The following BARX2 variants were observed in gnomAD, a reference collection of about 807,000 sequenced individuals.
BARX2 encodes BARX homeobox 2.
Under a neutral mutation model 25.5 loss-of-function variants are expected in BARX2, and 11 were observed. The ratio of observed to expected loss-of-function variants is 0.43; its 90% confidence interval spans 0.27 to 0.71. The LOEUF (loss-of-function observed/expected upper bound fraction) is 0.71, where lower values mean the gene tolerates loss of function less well. Ranked by LOEUF, BARX2 falls within the 30% of genes least tolerant of loss-of-function variation. The pLI is 0.19. For synonymous variants in BARX2, 137 were observed against 149.5 expected, an observed-to-expected ratio of 0.92 and a Z score of 0.61; for missense variants, 360 against 359.9, an observed-to-expected ratio of 1.00 and a Z score of 0.00.
At chr11:129,440,356 A>G (rs1591447440) in intron 2 of BARX2, among the ~76,000 whole-genome samples, 2 of 152,150 alleles carry the variant, frequency 1.3e-5, no homozygotes, top group East Asian at 3.9e-4. Flanking sequence ...TGACTAATGC[A>G]CCTGATGGCC....
At chr11:129,428,141 G>T (rs1397902550) in intron 1 of BARX2, among the ~76,000 whole-genome samples, 1 of 152,196 alleles carries the variant, frequency 6.6e-6, no homozygotes. Context: ...TGTGTTCAAT[G>T]GGGTCATGTT....
Position 129,451,717 on chromosome 11 carries a change from T to C in BARX2, c.*315T>C. ...GGCTGGGTCTATGTTGCAAGCCCTA[T>C]ATCCTAGCATGCAGTGGAAAGTGCT... On this transcript the variant is annotated 3_prime_UTR_variant, in exon 4 of 4. Transcript: ENST00000281437. The C allele has an allele frequency of 3.2e-6, 1 of 313,906 alleles. No homozygotes were observed. The highest frequency in any genetic ancestry group is 6.0e-6 in the Non-Finnish European group (1 of 167,914). The allele number at this position is 313,906 out of a possible 1,614,324, so 19.4% of individuals were successfully genotyped here. A position where few individuals can be genotyped will look rare whatever the true frequency, so the allele number is the denominator to read the frequency against.
chr11:129,430,526 A>G (rs1225377812), intron 1 of BARX2, among the ~76,000 whole-genome samples: 1 of 151,914 alleles, frequency 6.6e-6, no homozygotes, highest in Non-Finnish European at 1.5e-5. Flanking sequence ...ATTTTTTTTG[A>G]AATTTCCTTT....
upstream of BARX2, among the ~76,000 whole-genome samples, chr11:129,375,726 G>A (rs1861494205): frequency 6.6e-6 from 1 of 152,092 alleles, no homozygotes; most frequent in Non-Finnish European, 1.5e-5. The surrounding 1 kb of genome is among the most constrained non-coding windows in gnomAD (Gnocchi z 4.0). Flanking sequence ...AGTGGCACGG[G>A]CGGGCGGGGG....
rs1862185454 is a variant in BARX2, at chr11:129,436,067, T to C, written c.188-684T>C. ...GTGATTTAAAATCTGTTTGCCTCCC[T>C]CTTCTGAATGATGTATCCATGTGAT... On this transcript the variant is annotated intron_variant, in intron 1 of 3. Transcript: ENST00000281437. This position sits in a 1 kb window ranked among gnomAD's most constrained non-coding sequence, Gnocchi z 4.5. The C allele has an allele frequency of 1.3e-5, 2 of 152,216 alleles. No individual in the cohort carries two copies. The highest frequency in any genetic ancestry group is 2.9e-5 in the Non-Finnish European group (2 of 68,042). The allele number at this position is 152,216 out of a possible 1,614,324, so 9.4% of individuals were successfully genotyped here.
intron 1 of BARX2, among the ~76,000 whole-genome samples, chr11:129,387,169 T>C (rs750899258): frequency 2.0e-5 from 3 of 152,218 alleles, no homozygotes; most frequent in Non-Finnish European, 4.4e-5. Context: ...TGTGCCTTAC[T>C]CTTTCGACCT....
At chr11:129,426,539 AT>A (rs1382308116) in intron 1 of BARX2, among the ~76,000 whole-genome samples, 2 of 151,836 alleles carry the variant, frequency 1.3e-5, no homozygotes, top group Non-Finnish European at 2.9e-5. Context: ...CGCCTGGCTA[AT>A]TTTTGTATTT....
chr11:129,414,660 AC>A (rs1414638687), intron 1 of BARX2, among the ~76,000 whole-genome samples: 2 of 152,192 alleles, frequency 1.3e-5, no homozygotes, highest in Non-Finnish European at 2.9e-5. Flanking sequence ...AAATGACAGC[AC>A]TGGGGAGAAG....
chr11:129,387,207 C>G (rs1240906030), intron 1 of BARX2, among the ~76,000 whole-genome samples: 1 of 152,190 alleles, frequency 6.6e-6, no homozygotes, highest in African/African-American at 2.4e-5. Context: ...AAACCTTATT[C>G]CTCGTAAAAT....
At chr11:129,380,057 A>AT (rs1036108165) in intron 1 of BARX2, among the ~76,000 whole-genome samples, 13 of 151,792 alleles carry the variant, frequency 8.6e-5, no homozygotes, top group African/African-American at 2.9e-4. Flanking sequence ...AGCAGAAGGT[A>AT]TTTTTTGCAA....
chr11:129,448,069 G>T (rs902096345), intron 3 of BARX2, among the ~76,000 whole-genome samples: 1 of 152,150 alleles, frequency 6.6e-6, no homozygotes, highest in Non-Finnish European at 1.5e-5. Flanking sequence ...AAAGGACAGT[G>T]GTTGAGCAGA....
At chr11:129,440,934 T>C (rs1030936096) in intron 2 of BARX2, among the ~76,000 whole-genome samples, 2 of 152,176 alleles carry the variant, frequency 1.3e-5, no homozygotes, top group African/African-American at 4.8e-5. Context: ...CTGCCCAAGC[T>C]CTGTCAGGGG....
intron 1 of BARX2, among the ~76,000 whole-genome samples, chr11:129,418,890 G>A (rs139038209): frequency 5.3e-5 from 8 of 152,282 alleles, no homozygotes; most frequent in South Asian, 4.1e-4. Context: ...AAACAACATC[G>A]TTTCATTCAA....
chr11:129,393,065 A>G (rs1382548737), intron 1 of BARX2, among the ~76,000 whole-genome samples: 2 of 152,040 alleles, frequency 1.3e-5, no homozygotes, highest in African/African-American at 4.8e-5. Context: ...GAGCCCAGGA[A>G]TTTGAGACCA....
In BARX2 at chr11:129,436,877, C is replaced by A. The variant is rs143748790; in HGVS notation, c.314C>A (p.Ala105Glu). 6.2e-7 allele frequency: 1 copy of A among 1,614,054 alleles called. No homozygotes were observed. Among genetic ancestry groups the A allele is most frequent in the East Asian group, 2.2e-5 (1 of 44,880 alleles). The change falls in exon 2 of 4, where the codon GCG (alanine) becomes GAG (glutamate). Residue 105 changes from alanine to glutamate, a missense_variant. Ala to Glu is a moderately radical substitution (Grantham distance 107). Around this residue, in one of 3 missense-constraint regions of BARX2, gnomAD observed 240 missense variants for 228.7 expected, o/e 1.05. Coordinates refer to ENST00000281437, the MANE Select transcript of BARX2 (RefSeq NM_003658.5). This position sits in a 1 kb window ranked among gnomAD's most constrained non-coding sequence, Gnocchi z 4.5. ...CTGTCCTGCCACCAGGTCACCGAGG[C>A]GGTCTCTGCTGAGGCCCCAGGGGGC... ...QALSCHQVTE[A>E]VSAEAPGGEA...
At chr11:129,413,094 A>G (rs1861906197) in intron 1 of BARX2, among the ~76,000 whole-genome samples, 1 of 152,256 alleles carries the variant, frequency 6.6e-6, no homozygotes, top group Non-Finnish European at 1.5e-5. Context: ...AAAGAACTGC[A>G]AATAATTCAT....
chr11:129,382,088 T>C (rs1164986884), intron 1 of BARX2, among the ~76,000 whole-genome samples: 1 of 152,244 alleles, frequency 6.6e-6, no homozygotes, highest in Non-Finnish European at 1.5e-5. Flanking sequence ...TTAGGTGTTA[T>C]TTGCACTTTG....
At chr11:129,397,254 G>T (rs559417859) in intron 1 of BARX2, among the ~76,000 whole-genome samples, 1 of 150,236 alleles carries the variant, frequency 6.7e-6, no homozygotes, top group South Asian at 2.1e-4. Context: ...ATTGCACTCA[G>T]CTTGGGTGGA....
At chr11:129,447,299 G>A (rs1357733229) in intron 3 of BARX2, among the ~76,000 whole-genome samples, 2 of 152,136 alleles carry the variant, frequency 1.3e-5, no homozygotes, top group African/African-American at 2.4e-5. Context: ...TGAATACCTC[G>A]TTGCAGAGTT....
Sources: allele counts gnomAD v4.1 joint callset (sites outside exome capture counted in the v4.1 genomes callset), GRCh38; gene constraint gnomAD v4.1.1; regional missense constraint gnomAD v4.1.1; non-coding constraint Gnocchi (gnomAD v3.1); transcripts MANE v1.5; gene names NCBI Gene and HGNC (gene_info 2026-07-23, HGNC 2026-07-21).